The following RYR1 variants were observed in gnomAD, a reference collection of about 807,000 sequenced individuals.
RYR1 encodes the protein ryanodine receptor 1.
A neutral mutation model predicts 583.5 loss-of-function variants in RYR1; 342 were observed. That is an observed-to-expected ratio of 0.59 (90% CI 0.54 to 0.64). RYR1 has a LOEUF of 0.64. RYR1 is among the 30% of genes least tolerant of loss of function. The pLI is 0.00. For synonymous variants in RYR1, 2,791 were observed against 2,822.5 expected (o/e 0.99, Z 0.35); for missense variants, 6,032 against 6,917.2 (o/e 0.87, Z 4.54).
chr19:38,578,482 C>G (rs1340032864), intron 99 of RYR1, among the ~76,000 whole-genome samples: 1 of 152,188 alleles, frequency 6.6e-6, no homozygotes, highest in African/African-American at 2.4e-5. Flanking sequence ...CACTGGAGCC[C>G]AGAGTTTGAG....
At chr19:38,482,950 C>T in intron 31 of RYR1, 77 bp from the exon 32 acceptor site, 2 of 1,291,386 alleles carry the variant, frequency 1.5e-6, no homozygotes, top group Non-Finnish European at 1.1e-6. Context: ...ACAAATTGGC[C>T]CCAGAGTTTG....
At chr19:38,554,033 C>A (rs1034027022) in intron 89 of RYR1, among the ~76,000 whole-genome samples, 2 of 152,124 alleles carry the variant, frequency 1.3e-5, no homozygotes, top group African/African-American at 4.8e-5. Context: ...TCAGGGCTGT[C>A]ATGGATAGTT....
chr19:38,492,378 GGAAAT>G, intron 37 of RYR1, 107 bp from the exon 38 acceptor site: 3 of 1,029,852 alleles, frequency 2.9e-6, no homozygotes, highest in African/African-American at 3.8e-5. Flanking sequence ...AAAAAAAAAA[GGAAAT>G]GAAAAACTCC....
At position 38,561,522 on chromosome 19, in the gene RYR1, C is replaced by A; in HGVS notation, c.12624+68C>A. 1 of 1,458,460 alleles carries A rather than the reference C, an allele frequency of 6.9e-7. No individual in the cohort carries two copies. Among genetic ancestry groups the A allele is most frequent in the Non-Finnish European group, 9.3e-7 (1 of 1,070,380 alleles). The allele number at this position is 1,458,460 out of a possible 1,614,324, so 90.3% of individuals were successfully genotyped here. A position where few individuals can be genotyped will look rare whatever the true frequency, so the allele number is the denominator to read the frequency against. ...CGGGCATGCGGGTGCTCACTTCCTG[C>A]ACCCTCAGACCCCACGGGGGCTGTG... is the stretch of plus-strand genomic sequence containing the variant. On this transcript the variant is annotated intron_variant, in intron 90 of 105. Coordinates refer to ENST00000359596, the MANE Select transcript of RYR1 (RefSeq NM_000540.3). The surrounding 1 kb of genome is among the most constrained non-coding windows in gnomAD (Gnocchi z 4.8).
At chr19:38,441,518 G>A (rs1246030946) in intron 2 of RYR1, among the ~76,000 whole-genome samples, 1 of 150,848 alleles carries the variant, frequency 6.6e-6, no homozygotes, top group Non-Finnish European at 1.5e-5. Flanking sequence ...GTCCGAGCTC[G>A]GGAATTCTGA....
chr19:38,582,650 C>T (rs1568608161), intron 101 of RYR1, among the ~76,000 whole-genome samples: 1 of 151,964 alleles, frequency 6.6e-6, no homozygotes, highest in Non-Finnish European at 1.5e-5. Context: ...GACTCTGTGT[C>T]AAGTTTAAAA....
rs915283332 is a variant in RYR1 at position 38,583,726 on chromosome 19, A to G, written c.14647-1217A>G. ...CCCTAGGACTGTGTGTTTTCTCCCA[A>G]TTCAAGCCCTTTGCACCTGATGTTC... On this transcript the variant is annotated intron_variant, in intron 101 of 105. Coordinates refer to ENST00000359596, the MANE Select transcript of RYR1 (RefSeq NM_000540.3). 3.3e-5 allele frequency among the ~76,000 whole-genome samples: 5 copies of G among 151,776 alleles called. No individual in the cohort carries two copies. In the East Asian group the frequency reaches 5.8e-4, roughly 18 times the overall value.
chr19:38,445,222 CAAAAAAAAAAAA>C (rs61419525), intron 7 of RYR1, among the ~76,000 whole-genome samples: 1 of 48,176 alleles, frequency 2.1e-5, no homozygotes, highest in East Asian at 6.3e-4. Flanking sequence ...GACTCTGCCT[CAAAAAAAAAAAA>C]AAAAAAAAAA....
At chr19:38,584,088 T>A (rs1248847900) in intron 101 of RYR1, among the ~76,000 whole-genome samples, 1 of 151,840 alleles carries the variant, frequency 6.6e-6, no homozygotes, top group Non-Finnish European at 1.5e-5. Flanking sequence ...CACACCTGCC[T>A]CCTCTTCCAG....
At chr19:38,569,171 T>C (rs923191438) in intron 93 of RYR1, among the ~76,000 whole-genome samples, 3 of 152,128 alleles carry the variant, frequency 2.0e-5, no homozygotes, top group Admixed American at 6.5e-5. Flanking sequence ...CCGCCACGCC[T>C]GGCTAATTTT....
intron 42 of RYR1, among the ~76,000 whole-genome samples, chr19:38,498,241 T>A (rs530956201): frequency 6.6e-6 from 1 of 152,146 alleles, no homozygotes; most frequent in East Asian, 1.9e-4. Flanking sequence ...GGGCTCTGGC[T>A]TTTACCCTGA....
intron 23 of RYR1, among the ~76,000 whole-genome samples, chr19:38,465,751 T>C (rs1372939677): frequency 5.6e-4 from 84 of 150,522 alleles, no homozygotes; most frequent in Admixed American, 5.6e-3. Context: ...GCAACAAGAG[T>C]GAAACTCCGT....
chr19:38,513,768 C>T (rs1201940596), intron 63 of RYR1, among the ~76,000 whole-genome samples: 1 of 151,896 alleles, frequency 6.6e-6, no homozygotes, highest in Non-Finnish European at 1.5e-5. Flanking sequence ...TAACAATTTG[C>T]CCTGTGTGCC....
chr19:38,582,734 C>G (rs184913995), intron 101 of RYR1, among the ~76,000 whole-genome samples: 19 of 152,278 alleles, frequency 1.2e-4, no homozygotes, highest in Middle Eastern at 6.8e-3. Flanking sequence ...TAATGGTGAT[C>G]ATAACCCAAA....
At chr19:38,464,410 G>A (rs1309606344) in intron 22 of RYR1, among the ~76,000 whole-genome samples, 1 of 151,900 alleles carries the variant, frequency 6.6e-6, no homozygotes, top group Non-Finnish European at 1.5e-5. Context: ...AGGGAGACAG[G>A]AGAAAGTGGC....
chr19:38,541,115 T>A lies in RYR1; in HGVS notation c.11690-2232T>A, dbSNP rs78242182. Among the ~76,000 whole-genome samples the A allele has an allele frequency of 3.0e-3, 451 of 152,346 alleles. 1 individual carries two copies. The highest frequency in any genetic ancestry group is 0.01 in the African/African-American group (424 of 41,584). On this transcript the variant is annotated intron_variant, in intron 84 of 105. Coordinates refer to ENST00000359596, the MANE Select transcript of RYR1 (RefSeq NM_000540.3). ...CACGCAGAGGTTCTCATTGTAATTG[T>A]ACACTGGCATGCCTGGGGAGCTTTA...
chr19:38,585,388 GTTTA>G (rs940129124), intron 102 of RYR1, among the ~76,000 whole-genome samples: 57 of 139,398 alleles, frequency 4.1e-4, no homozygotes, highest in African/African-American at 8.5e-4. Flanking sequence ...ATATATATAT[GTTTA>G]TTTATATATA....
chr19:38,546,681 G>A (rs548640503), intron 88 of RYR1, among the ~76,000 whole-genome samples, 155 bp downstream of exon 88: 79 of 148,320 alleles, frequency 5.3e-4, no homozygotes, highest in Non-Finnish European at 1.0e-3. Context: ...GGCCAGATGC[G>A]GTGGCTACAC....
intron 58 of RYR1, among the ~76,000 whole-genome samples, chr19:38,508,079 G>A (rs893126146): frequency 5.3e-5 from 8 of 152,170 alleles, no homozygotes; most frequent in African/African-American, 1.9e-4. Context: ...TAACTAAATC[G>A]TTTAGTGTTA....
Sources: allele counts gnomAD v4.1 joint callset (sites outside exome capture counted in the v4.1 genomes callset), GRCh38; gene constraint gnomAD v4.1.1; non-coding constraint Gnocchi (gnomAD v3.1); transcripts MANE v1.5; gene names NCBI Gene and HGNC (gene_info 2026-07-23, HGNC 2026-07-21).